DSCAM: variants seen among roughly 807,000 people sequenced by gnomAD.
DSCAM encodes cell adhesion molecule DSCAM.
DSCAM carries 47 observed loss-of-function variants against 217.7 expected under a neutral mutation model. That is an observed-to-expected ratio of 0.22 (90% CI 0.17 to 0.28). The LOEUF is 0.28. DSCAM is among the 10% of genes least tolerant of loss of function. The pLI is 1.00. For synonymous variants in DSCAM, 1,056 were observed against 1,015.3 expected (o/e 1.04, Z -0.76); for missense variants, 2,080 against 2,618.3 (o/e 0.79, Z 4.49).
chr21:40,068,277 T>C (rs1036121774), intron 27 of DSCAM, among the ~76,000 whole-genome samples: 3 of 152,230 alleles, frequency 2.0e-5, no homozygotes, highest in African/African-American at 7.2e-5. Flanking sequence ...CAGTTACATT[T>C]GGGTGGCGAG....
chr21:40,719,442 A>C (rs1003251518), intron 1 of DSCAM, among the ~76,000 whole-genome samples: 1 of 152,130 alleles, frequency 6.6e-6, no homozygotes, highest in Non-Finnish European at 1.5e-5. Flanking sequence ...CAACAATTTC[A>C]CTCCTAAGTA....
intron 1 of DSCAM, among the ~76,000 whole-genome samples, chr21:40,762,276 G>A (rs756650550): frequency 2.0e-5 from 3 of 151,712 alleles, no homozygotes; most frequent in Non-Finnish European, 4.4e-5. Context: ...ATGATAAAGG[G>A]GATATCACCA....
chr21:40,629,837 T>A (rs2089663553), intron 3 of DSCAM, among the ~76,000 whole-genome samples: 1 of 152,190 alleles, frequency 6.6e-6, no homozygotes, highest in Non-Finnish European at 1.5e-5. Context: ...ATAATCATAT[T>A]CATATTTACT....
intron 14 of DSCAM, among the ~76,000 whole-genome samples, chr21:40,183,565 T>C (rs1483354177): frequency 6.6e-6 from 1 of 152,144 alleles, no homozygotes; most frequent in East Asian, 1.9e-4. Flanking sequence ...AAGTCATCTG[T>C]TGTCAAATCC....
At chr21:40,017,741 A>G (rs577989687) in intron 32 of DSCAM, among the ~76,000 whole-genome samples, 6 of 152,242 alleles carry the variant, frequency 3.9e-5, no homozygotes, top group Admixed American at 6.5e-5. Context: ...TAGTAGAGAC[A>G]GGGTTTCTCC....
chr21:40,224,221 T>C (rs447736), intron 11 of DSCAM, among the ~76,000 whole-genome samples: 84,194 of 152,104 alleles, frequency 0.55, 25,212 homozygotes, highest in African/African-American at 0.79. Context: ...ACTGGTTGAT[T>C]ATCACTCATG....
At chr21:40,432,906 C>G (rs1235857340) in intron 3 of DSCAM, among the ~76,000 whole-genome samples, 1 of 152,142 alleles carries the variant, frequency 6.6e-6, no homozygotes, top group Non-Finnish European at 1.5e-5. Context: ...CTGAAACCTA[C>G]TCTCTTAACC....
At chr21:40,377,737 G>A (rs1005667664) in intron 3 of DSCAM, among the ~76,000 whole-genome samples, 26 of 152,048 alleles carry the variant, frequency 1.7e-4, no homozygotes, top group Non-Finnish European at 3.4e-4. Flanking sequence ...AGAAGGCCAA[G>A]AAAAGACCCA....
intron 14 of DSCAM, among the ~76,000 whole-genome samples, chr21:40,184,390 C>T (rs1038614679): frequency 2.6e-5 from 4 of 152,152 alleles, no homozygotes; most frequent in Non-Finnish European, 5.9e-5. Context: ...TCTGTAGGGT[C>T]CTGGTAGAGA....
intron 3 of DSCAM, among the ~76,000 whole-genome samples, chr21:40,458,503 C>T (rs1239402760): frequency 1.3e-5 from 2 of 151,752 alleles, no homozygotes; most frequent in Non-Finnish European, 2.9e-5. Flanking sequence ...CATAAGCATC[C>T]AACTGAAAGA....
In DSCAM at chr21:40,012,456, T is replaced by C. The variant is rs1355950497; in HGVS notation, c.*578A>G. 2 of 152,064 alleles carry C rather than the reference T, an allele frequency of 1.3e-5. No individual in the cohort carries two copies. The highest frequency in any genetic ancestry group is 2.4e-5 in the African/African-American group (1 of 41,400). 9.4% of individuals were successfully genotyped at this position (152,064 alleles called of 1,614,324 possible). On this transcript the variant is annotated 3_prime_UTR_variant, in exon 33 of 33. Transcript: ENST00000400454. ...TCTTTTTTATTTCGCTTAGACAAAA[T>C]GCAAAGAGTGTCTCATTAAATTAAA...
chr21:40,592,929 C>A (rs2076994477), intron 3 of DSCAM, among the ~76,000 whole-genome samples: 1 of 152,138 alleles, frequency 6.6e-6, no homozygotes, highest in South Asian at 2.1e-4. Context: ...TAATGAATTG[C>A]AGATATTGTA....
intron 28 of DSCAM, among the ~76,000 whole-genome samples, chr21:40,057,840 G>C (rs1285336693): frequency 1.3e-5 from 2 of 151,126 alleles, no homozygotes; most frequent in Admixed American, 6.6e-5. Context: ...GCCCAGGCTG[G>C]AGTGCAGTGA....
At chr21:40,554,845 T>C (rs1390757848) in intron 3 of DSCAM, among the ~76,000 whole-genome samples, 1 of 152,202 alleles carries the variant, frequency 6.6e-6, no homozygotes, top group Non-Finnish European at 1.5e-5. Flanking sequence ...CACCAACATG[T>C]TGTACTGGAA....
At chr21:40,257,196 G>C (rs1021923135) in intron 11 of DSCAM, among the ~76,000 whole-genome samples, 1 of 152,146 alleles carries the variant, frequency 6.6e-6, no homozygotes, top group African/African-American at 2.4e-5. Context: ...AAAACTCTGA[G>C]AGAGTTCAAG....
chr21:40,791,057 G>A (rs2091638003), intron 1 of DSCAM, among the ~76,000 whole-genome samples: 1 of 151,706 alleles, frequency 6.6e-6, no homozygotes, highest in Non-Finnish European at 1.5e-5. Flanking sequence ...GGTGGCACCT[G>A]CCTGTAATCT....
At chr21:40,389,410 C>A (rs573281907) in intron 3 of DSCAM, among the ~76,000 whole-genome samples, 1 of 152,328 alleles carries the variant, frequency 6.6e-6, no homozygotes, top group South Asian at 2.1e-4. Context: ...GGCACCACTT[C>A]TTTCTGGCAC....
chr21:40,660,919 C>T (rs2090132101), intron 3 of DSCAM, among the ~76,000 whole-genome samples: 1 of 152,160 alleles, frequency 6.6e-6, no homozygotes, highest in African/African-American at 2.4e-5. Context: ...GAACTCATGG[C>T]AATGTTATCC....
At chr21:40,699,419 T>C (rs2090631036) in intron 2 of DSCAM, among the ~76,000 whole-genome samples, 1 of 152,216 alleles carries the variant, frequency 6.6e-6, no homozygotes, top group African/African-American at 2.4e-5. Flanking sequence ...TATCTCTTAC[T>C]TTAAATCAAA....
Sources: gnomAD v4.1 joint callset for allele counts (sites outside exome capture counted in the v4.1 genomes callset) on GRCh38, gnomAD v4.1.1 for gene constraint, MANE v1.5 for transcripts, NCBI Gene and HGNC (gene_info 2026-07-23, HGNC 2026-07-21) for gene names.